GABRA2: variants seen among roughly 807,000 people sequenced by gnomAD.
GABRA2 encodes the protein gamma-aminobutyric acid receptor subunit alpha-2.
Under a neutral mutation model 48.7 loss-of-function variants are expected in GABRA2, and 16 were observed. The observed-to-expected ratio is 0.33, with a 90% CI of 0.22 to 0.50. The LOEUF is 0.50. GABRA2 is among the 20% of genes least tolerant of loss of function. GABRA2 has a pLI of 0.98. For synonymous variants in GABRA2, 185 were observed against 184.5 expected, an observed-to-expected ratio of 1.00 and a Z score of -0.02; for missense variants, 275 against 535.6, an observed-to-expected ratio of 0.51 and a Z score of 4.80.
intron 1 of GABRA2, chr4:46,389,150 C>G (rs945892979): frequency 1.3e-5 from 13 of 990,980 alleles, no homozygotes; most frequent in African/African-American, 3.5e-5. Context: ...CACGCCACAA[C>G]CCCCTCAACC....
chr4:46,271,696 A>G (rs1198939059), intron 8 of GABRA2, among the ~76,000 whole-genome samples: 3 of 151,990 alleles, frequency 2.0e-5, no homozygotes, highest in Non-Finnish European at 4.4e-5. Flanking sequence ...TCAAAGGCTA[A>G]TAATAATGTG....
intron 4 of GABRA2, among the ~76,000 whole-genome samples, chr4:46,325,149 C>G (rs976107128): frequency 2.0e-5 from 3 of 151,902 alleles, no homozygotes; most frequent in African/African-American, 7.2e-5. Context: ...GTTTTAAGTT[C>G]TTTCTGAAAT....
chr4:46,359,968 T>A (rs1712900756), intron 3 of GABRA2, among the ~76,000 whole-genome samples: 1 of 151,470 alleles, frequency 6.6e-6, no homozygotes, highest in Non-Finnish European at 1.5e-5. Flanking sequence ...TCCACTCACA[T>A]TCCTAAAAGA....
chr4:46,332,673 G>C lies in GABRA2; in HGVS notation c.197C>G (p.Thr66Ser). The C allele has an allele frequency of 6.4e-7, 1 of 1,567,006 alleles. No individual in the cohort carries two copies. The highest frequency in any genetic ancestry group is 8.8e-7 in the Non-Finnish European group (1 of 1,137,552). The change falls in exon 4 of 10, where the codon ACT (threonine) becomes AGT (serine). Residue 66 changes from threonine (T) to serine (S), a missense_variant. By Grantham distance (58) the Thr-to-Ser change is moderately conservative (BLOSUM62 1). Coordinates refer to ENST00000381620, the MANE Select transcript of GABRA2 (RefSeq NM_000807.4). ...RLRPGLGDSI[T>S]EVFTNIYVTS... ...CACGTAGATGTTAGTGAAGACTTCA[G>C]TAATACTGTCTAATATGAGAAAAGA...
intron 4 of GABRA2, among the ~76,000 whole-genome samples, chr4:46,321,893 C>A (rs1578042763): frequency 6.6e-6 from 1 of 152,068 alleles, no homozygotes; most frequent in East Asian, 1.9e-4. Flanking sequence ...CAGGATACCA[C>A]AAAGAATGCC....
intron 8 of GABRA2, among the ~76,000 whole-genome samples, chr4:46,291,082 ACT>A (rs1426930710): frequency 6.6e-6 from 1 of 151,968 alleles, no homozygotes; most frequent in Non-Finnish European, 1.5e-5. Context: ...TATGATGGTA[ACT>A]CTAGTCACAC....
chr4:46,380,450 T>C (rs908968378), intron 3 of GABRA2, among the ~76,000 whole-genome samples: 4 of 152,202 alleles, frequency 2.6e-5, no homozygotes, highest in Non-Finnish European at 5.9e-5. Flanking sequence ...TGATATATTC[T>C]ATTTCATTTC....
At chr4:46,361,502 C>A (rs900566637) in intron 3 of GABRA2, among the ~76,000 whole-genome samples, 1 of 152,220 alleles carries the variant, frequency 6.6e-6, no homozygotes, top group Non-Finnish European at 1.5e-5. Flanking sequence ...CCTAGATGTC[C>A]AGGCAGAAGT....
chr4:46,341,320 T>C (rs1733185745), intron 3 of GABRA2, among the ~76,000 whole-genome samples: 1 of 152,016 alleles, frequency 6.6e-6, no homozygotes, highest in Non-Finnish European at 1.5e-5. Context: ...TACTGAAAAC[T>C]TAAAACTTTA....
chr4:46,370,737 T>C (rs1297080486), intron 3 of GABRA2, among the ~76,000 whole-genome samples: 4 of 152,156 alleles, frequency 2.6e-5, no homozygotes, highest in African/African-American at 7.2e-5. Context: ...GCAGCCTTTG[T>C]GTCCTTCCAG....
At chr4:46,297,216 C>A (rs550252796) in intron 8 of GABRA2, among the ~76,000 whole-genome samples, 13 of 151,946 alleles carry the variant, frequency 8.6e-5, no homozygotes, top group Middle Eastern at 3.4e-3. Flanking sequence ...GTCAGATCCA[C>A]CCTTAATATG....
chr4:46,291,666 C>A (rs182948553), intron 8 of GABRA2, among the ~76,000 whole-genome samples: 5 of 152,088 alleles, frequency 3.3e-5, no homozygotes, highest in Admixed American at 2.0e-4. Context: ...ACCCCAAGTT[C>A]TTCAGCTTTG....
intron 3 of GABRA2, among the ~76,000 whole-genome samples, chr4:46,338,551 A>T (rs1162914885): frequency 1.3e-5 from 2 of 151,992 alleles, no homozygotes; most frequent in African/African-American, 2.4e-5. Context: ...TTAATAATAA[A>T]TTCTGGGAAT....
chr4:46,388,939 T>C (rs1177365595), intron 1 of GABRA2: 4 of 1,318,896 alleles, frequency 3.0e-6, no homozygotes, highest in Non-Finnish European at 3.9e-6. Context: ...TCTTTTTTTC[T>C]TTCTTTCTTT....
At chr4:46,351,150 A>T (rs1302622423) in intron 3 of GABRA2, among the ~76,000 whole-genome samples, 2 of 151,798 alleles carry the variant, frequency 1.3e-5, no homozygotes, top group Non-Finnish European at 2.9e-5. Context: ...GCTATTAACC[A>T]TAGTGAATAT....
intron 5 of GABRA2, among the ~76,000 whole-genome samples, chr4:46,311,565 G>A (rs1043270348): frequency 1.3e-5 from 2 of 152,092 alleles, no homozygotes; most frequent in Non-Finnish European, 1.5e-5. Flanking sequence ...ATATGCTTAA[G>A]ATGTAATAGG....
Position 46,303,530 on chromosome 4 carries a change from G to A in GABRA2, c.786C>T (p.Ile262=), listed in dbSNP as rs765372248. 5 of 1,614,030 alleles carry A rather than the reference G, an allele frequency of 3.1e-6. No individual in the cohort carries two copies. In the Admixed American group the frequency reaches 8.3e-5, roughly 27 times the overall value. ...YFVIQTYLPC[I]MTVILSQVSF... is the part of the protein sequence containing the mutation. ...AAACTTGGGAGAGAATGACAGTCAT[G>A]ATGCAAGGCAGATAGGTTTGAATCA... The change falls in exon 8 of 10, where the codon ATC becomes ATT. Residue 262 remains isoleucine, a synonymous_variant. Coordinates refer to ENST00000381620, the MANE Select transcript of GABRA2 (RefSeq NM_000807.4).
At chr4:46,270,952 G>A (rs1351359227) in intron 8 of GABRA2, among the ~76,000 whole-genome samples, 1 of 149,196 alleles carries the variant, frequency 6.7e-6, no homozygotes, top group Non-Finnish European at 1.5e-5. Flanking sequence ...TTGTTACTAA[G>A]ATCAAATGAG....
chr4:46,310,143 C>A (rs1401893322), intron 6 of GABRA2, 30 bp downstream of exon 6: 2 of 1,563,722 alleles, frequency 1.3e-6, no homozygotes, highest in Admixed American at 1.7e-5. Flanking sequence ...ATTATTGACC[C>A]AAAACATGTA....
Sources: gnomAD v4.1 joint callset for allele counts (sites outside exome capture counted in the v4.1 genomes callset) on GRCh38, gnomAD v4.1.1 for gene constraint, MANE v1.5 for transcripts, NCBI Gene and HGNC (gene_info 2026-07-23, HGNC 2026-07-21) for gene names.